FEM1B: variants seen among roughly 807,000 people sequenced by gnomAD.
The protein encoded by FEM1B is fem-1 homolog B.
Under a neutral mutation model 38.6 loss-of-function variants are expected in FEM1B, and 10 were observed. The observed-to-expected ratio is 0.26, with a 90% CI of 0.16 to 0.44. FEM1B has a LOEUF of 0.44. Among genes scored for constraint, FEM1B ranks in the 20% least tolerant of loss-of-function variants. FEM1B has a pLI of 1.00. For missense variants in FEM1B, 471 were observed against 786.7 expected (o/e 0.60, Z 4.80); for synonymous variants, 288 against 288.0 (o/e 1.00, Z 0.00).
rs946509511 is a variant in FEM1B at position 68,281,697 on chromosome 15, A to G, written c.248+3032A>G. ...CAGTGGCGCGATCTCGGCTCACTGCAAGCTCTGCCTTCCGGGTTCATGCCA... is the reference window on the plus strand; with the variant it reads ...CAGTGGCGCGATCTCGGCTCACTGCGAGCTCTGCCTTCCGGGTTCATGCCA... On this transcript the variant is annotated intron_variant, in intron 1 of 1. Transcript: ENST00000306917. This position sits in a 1 kb window ranked among gnomAD's most constrained non-coding sequence, Gnocchi z 5.1. 6.6e-6 allele frequency among the ~76,000 whole-genome samples: 1 copy of G among 151,938 alleles called. No homozygotes were observed. Among genetic ancestry groups the G allele is most frequent in the Non-Finnish European group, 1.5e-5 (1 of 67,984 alleles).
In FEM1B at chr15:68,291,249, G is replaced by A. The variant is rs537839159; in HGVS notation, c.*7G>A. On this transcript the variant is annotated 3_prime_UTR_variant, in exon 2 of 2. Coordinates refer to ENST00000306917, the MANE Select transcript of FEM1B (RefSeq NM_015322.5). The surrounding 1 kb of genome is among the most constrained non-coding windows in gnomAD (Gnocchi z 6.9). ...GTTTGTTGGATTTCATTAAGTGACT[G>A]GATATGTAAAGTCGTTTAATGTGGT... 26 of 1,567,174 alleles carry A rather than the reference G, an allele frequency of 1.7e-5. No homozygotes were observed. In the South Asian group the frequency reaches 3.0e-4, roughly 18 times the overall value.
At chr15:68,283,962 C>T (rs796803767) in intron 1 of FEM1B, among the ~76,000 whole-genome samples, 23 of 151,448 alleles carry the variant, frequency 1.5e-4, no homozygotes, top group East Asian at 5.8e-4. Context: ...CTTGGCTCAC[C>T]GCAAACTCTG....
chr15:68,282,801 G>T (rs1179605538), intron 1 of FEM1B, among the ~76,000 whole-genome samples: 1 of 152,114 alleles, frequency 6.6e-6, no homozygotes, highest in Non-Finnish European at 1.5e-5. Flanking sequence ...AGGCAGTATA[G>T]TCTTACAATT....
In FEM1B at chr15:68,292,692, A is replaced by AAACTT. The variant is rs896891161; in HGVS notation, c.*1453_*1457dup. The AAACTT allele has an allele frequency of 2.0e-5, 3 of 151,866 alleles. No individual in the cohort carries two copies. The highest frequency in any genetic ancestry group is 7.3e-5 in the African/African-American group (3 of 41,316). The allele number at this position is 151,866 out of a possible 1,614,324, so 9.4% of individuals were successfully genotyped here. Reference sequence around the variant, plus strand: ...ATAATGATGTAGCAGCATCAGATATAAACTTAAAAAAAAAGGTTTCAATTA... The same window carrying AAACTT: ...ATAATGATGTAGCAGCATCAGATATAAACTTAACTTAAAAAAAAAGGTTTCAATTA... On this transcript the variant is annotated 3_prime_UTR_variant, in exon 2 of 2. Coordinates refer to ENST00000306917, the MANE Select transcript of FEM1B (RefSeq NM_015322.5).
At position 68,288,676 on chromosome 15, in the gene FEM1B, T is replaced by TA. The variant is rs1235057797; in HGVS notation, c.249-930dup. Among the ~76,000 whole-genome samples, 1 of 152,212 alleles carries TA rather than the reference T, an allele frequency of 6.6e-6. No homozygotes were observed. The highest frequency in any genetic ancestry group is 2.4e-5 in the African/African-American group (1 of 41,456). ...ACAAGTCCAGTCATGTCAGAGAAGA[T>TA]ATCTGCTTGGTTTTCCAAAAGTGCT... On this transcript the variant is annotated intron_variant, in intron 1 of 1. Transcript: ENST00000306917. The surrounding 1 kb of genome is among the most constrained non-coding windows in gnomAD (Gnocchi z 4.6).
chr15:68,290,550 T>C lies in FEM1B; in HGVS notation c.1192T>C (p.Leu398=), dbSNP rs148913869. The change falls in exon 2 of 2, where the codon TTG becomes CTG. Residue 398 remains leucine (L), a synonymous_variant. Coordinates refer to ENST00000306917, the MANE Select transcript of FEM1B (RefSeq NM_015322.5). This position sits in a 1 kb window ranked among gnomAD's most constrained non-coding sequence, Gnocchi z 9.7. ...FAQVFSQMIH[L]NETVKAPDIE... ...TCAAGTTTTCTCACAAATGATACAT[T>C]TGAATGAAACTGTGAAGGCCCCAGA... is the stretch of plus-strand genomic sequence containing the variant. 1.2e-5 allele frequency: 20 copies of C among 1,614,182 alleles called. No individual in the cohort carries two copies. The highest frequency in any genetic ancestry group is 1.4e-5 in the Non-Finnish European group (16 of 1,180,036).
At chr15:68,279,053 T>C (rs745422772) in intron 1 of FEM1B, among the ~76,000 whole-genome samples, 18 of 152,220 alleles carry the variant, frequency 1.2e-4, no homozygotes, top group African/African-American at 3.1e-4. Flanking sequence ...GCGGTTAACA[T>C]TGAAGAACTC....
chr15:68,278,689 C>G lies in FEM1B; in HGVS notation c.248+24C>G. The G allele has an allele frequency of 3.1e-6, 5 of 1,610,972 alleles. No individual in the cohort carries two copies. Among genetic ancestry groups the G allele is most frequent in the Non-Finnish European group, 4.2e-6 (5 of 1,177,418 alleles). On this transcript the variant is annotated intron_variant, in intron 1 of 1. Transcript: ENST00000306917. This position sits in a 1 kb window ranked among gnomAD's most constrained non-coding sequence, Gnocchi z 5.7. The stretch of plus-strand genomic sequence containing the variant: ...GGGTAGGTACATCCCAAGCCAGCCT[C>G]TCTCCGACGCGCGCGGACTCGTTAA...
rs560100347 is a variant in FEM1B, at chr15:68,292,088, C to G, written c.*846C>G. On this transcript the variant is annotated 3_prime_UTR_variant, in exon 2 of 2. Coordinates refer to ENST00000306917, the MANE Select transcript of FEM1B (RefSeq NM_015322.5). ...AATTGTCACAGTGTAGTTATACATT[C>G]TATTTTTGTCCCCTTTTCCCTTTTT... 6.6e-6 allele frequency: 1 copy of G among 152,248 alleles called. No homozygotes were observed. Among genetic ancestry groups the G allele is most frequent in the Admixed American group, 6.5e-5 (1 of 15,298 alleles). The allele number at this position is 152,248 out of a possible 1,614,324, so 9.4% of individuals were successfully genotyped here.
Position 68,278,666 on chromosome 15 carries a change from G to A in FEM1B, c.248+1G>A, listed in dbSNP as rs766669511. ...AGACTGGCACCGTCCGCTTCGACGG[G>A]TAGGTACATCCCAAGCCAGCCTCTC... On this transcript the variant is annotated splice_donor_variant, in intron 1 of 1. Coordinates refer to ENST00000306917, the MANE Select transcript of FEM1B (RefSeq NM_015322.5). LOFTEE classifies it high-confidence loss of function. The surrounding 1 kb of genome is among the most constrained non-coding windows in gnomAD (Gnocchi z 5.7). The A allele has an allele frequency of 6.2e-7, 1 of 1,613,766 alleles. No individual in the cohort carries two copies. Among genetic ancestry groups the A allele is most frequent in the Non-Finnish European group, 8.5e-7 (1 of 1,179,960 alleles).
Position 68,291,282 on chromosome 15 carries a change from A to G in FEM1B, c.*40A>G. The G allele has an allele frequency of 6.9e-7, 1 of 1,448,800 alleles. No individual in the cohort carries two copies. The highest frequency in any genetic ancestry group is 9.4e-7 in the Non-Finnish European group (1 of 1,069,184). The allele number at this position is 1,448,800 out of a possible 1,614,324, so 89.7% of individuals were successfully genotyped here. A position where few individuals can be genotyped will look rare whatever the true frequency, so the allele number is the denominator to read the frequency against. ...AAAGTCGTTTAATGTGGTGCTAAAAAGTAAAGGACTTTTAATCACAGACAG... is the reference window on the plus strand; with the variant it reads ...AAAGTCGTTTAATGTGGTGCTAAAAGGTAAAGGACTTTTAATCACAGACAG... On this transcript the variant is annotated 3_prime_UTR_variant, in exon 2 of 2. Coordinates refer to ENST00000306917, the MANE Select transcript of FEM1B (RefSeq NM_015322.5). This position sits in a 1 kb window ranked among gnomAD's most constrained non-coding sequence, Gnocchi z 6.9.
Position 68,284,847 on chromosome 15 carries a change from C to A in FEM1B, c.249-4760C>A, listed in dbSNP as rs938391848. ...GCTGTTCTCTTGATAGTAAGTGTCA[C>A]GGGATCTGATGATTGTAAGGGGGAG... On this transcript the variant is annotated intron_variant, in intron 1 of 1. Transcript: ENST00000306917. The surrounding 1 kb of genome is among the most constrained non-coding windows in gnomAD (Gnocchi z 4.4). Among the ~76,000 whole-genome samples the A allele has an allele frequency of 6.6e-6, 1 of 152,176 alleles. No homozygotes were observed.
At chr15:68,279,740 T>G in intron 1 of FEM1B, among the ~76,000 whole-genome samples, 1 of 152,230 alleles carries the variant, frequency 6.6e-6, no homozygotes, top group East Asian at 1.9e-4. Flanking sequence ...CTTTTTTAGG[T>G]TTAAACAATA....
Position 68,278,386 on chromosome 15 carries a change from C to A in FEM1B, c.-32C>A. On this transcript the variant is annotated 5_prime_UTR_variant, in exon 1 of 2. Transcript: ENST00000306917. This position sits in a 1 kb window ranked among gnomAD's most constrained non-coding sequence, Gnocchi z 5.7. ...GGGCGCACGGCAGCTGCAGCGGTGG[C>A]GACCAAACGGGTGTTGGAGTTGGCG... 2 of 1,593,996 alleles carry A rather than the reference C, an allele frequency of 1.3e-6. No homozygotes were observed. The highest frequency in any genetic ancestry group is 1.7e-6 in the Non-Finnish European group (2 of 1,169,716).
intron 1 of FEM1B, among the ~76,000 whole-genome samples, chr15:68,283,502 TAAAAAAAAAAA>T (rs60432847): frequency 1.5e-3 from 108 of 71,968 alleles, no homozygotes; most frequent in Non-Finnish European, 1.7e-3. Flanking sequence ...CATCTCTACC[TAAAAAAAAAAA>T]AAAAAAAAAA....
Position 68,290,280 on chromosome 15 carries a change from T to A in FEM1B, c.922T>A (p.Cys308Ser). Reference protein sequence around the residue: ...PIHAYGNRTECRNPQELESIR... With the variant: ...PIHAYGNRTESRNPQELESIR... ...CCATGCTTATGGGAATAGAACTGAA[T>A]GTAGAAATCCTCAGGAACTGGAGTC... The change falls in exon 2 of 2, where the codon TGT becomes AGT. Residue 308 changes from cysteine to serine, a missense_variant. Physicochemically the swap from Cys to Ser is moderately radical, Grantham distance 112. Transcript: ENST00000306917. This position sits in a 1 kb window ranked among gnomAD's most constrained non-coding sequence, Gnocchi z 9.7. 1 of 1,614,122 alleles carries A rather than the reference T, an allele frequency of 6.2e-7. No individual in the cohort carries two copies. The highest frequency in any genetic ancestry group is 1.3e-5 in the African/African-American group (1 of 75,056).
rs1892734079 is a variant in FEM1B, at chr15:68,281,977, C to A, written c.248+3312C>A. 6.6e-6 allele frequency among the ~76,000 whole-genome samples: 1 copy of A among 151,928 alleles called. No homozygotes were observed. The highest frequency in any genetic ancestry group is 6.6e-5 in the Admixed American group (1 of 15,250). On this transcript the variant is annotated intron_variant, in intron 1 of 1. Coordinates refer to ENST00000306917, the MANE Select transcript of FEM1B (RefSeq NM_015322.5). The surrounding 1 kb of genome is among the most constrained non-coding windows in gnomAD (Gnocchi z 5.1). The stretch of plus-strand genomic sequence containing the variant: ...TTACTTGTGGCGTGACATGTGAATA[C>A]CATGTTGATATAGATGAGTGGACAA...
In FEM1B at chr15:68,281,358, A is replaced by T. The variant is rs2140241978; in HGVS notation, c.248+2693A>T. On this transcript the variant is annotated intron_variant, in intron 1 of 1. Coordinates refer to ENST00000306917, the MANE Select transcript of FEM1B (RefSeq NM_015322.5). The surrounding 1 kb of genome is among the most constrained non-coding windows in gnomAD (Gnocchi z 5.1). The stretch of plus-strand genomic sequence containing the variant: ...TTTACTTAATAAATATCTTTTCTTT[A>T]AATTGTCTGTTATTTGCTTGATAGT... Among the ~76,000 whole-genome samples, 1 of 152,282 alleles carries T rather than the reference A, an allele frequency of 6.6e-6. No homozygotes were observed. The highest frequency in any genetic ancestry group is 6.5e-5 in the Admixed American group (1 of 15,300).
In FEM1B at chr15:68,278,280, T is replaced by A. The variant is rs1049382146; in HGVS notation, c.-138T>A. The A allele has an allele frequency of 8.5e-7, 1 of 1,173,072 alleles. No homozygotes were observed. Among genetic ancestry groups the A allele is most frequent in the African/African-American group, 1.6e-5 (1 of 64,482 alleles). 72.7% of individuals were successfully genotyped at this position (1,173,072 alleles called of 1,614,324 possible). A position where few individuals can be genotyped will look rare whatever the true frequency, so the allele number is the denominator to read the frequency against. On this transcript the variant is annotated 5_prime_UTR_variant, in exon 1 of 2. Coordinates refer to ENST00000306917, the MANE Select transcript of FEM1B (RefSeq NM_015322.5). The surrounding 1 kb of genome is among the most constrained non-coding windows in gnomAD (Gnocchi z 5.7). ...GCCTTCCCTGGGCCGCACTGCTGCC[T>A]GGGCGCGGCGGCGGCGACGGCGCCC...
Sources: gnomAD v4.1 joint callset for allele counts (sites outside exome capture counted in the v4.1 genomes callset) on GRCh38, gnomAD v4.1.1 for gene constraint, Gnocchi (gnomAD v3.1) non-coding constraint, MANE v1.5 for transcripts, NCBI Gene and HGNC (gene_info 2026-07-23, HGNC 2026-07-21) for gene names.